IL15: variants seen among roughly 807,000 people sequenced by gnomAD.
IL15 encodes the protein interleukin 15.
Under a neutral mutation model 19.6 loss-of-function variants are expected in IL15, and 11 were observed. The ratio of observed to expected loss-of-function variants is 0.56; its 90% confidence interval spans 0.35 to 0.93. IL15 has a LOEUF of 0.93. Among genes scored for constraint, IL15 ranks in the 40% least tolerant of loss-of-function variants. IL15 has a pLI of 0.01. For synonymous variants in IL15, 58 were observed against 59.6 expected, an observed-to-expected ratio of 0.97 and a Z score of 0.12; for missense variants, 197 against 186.5, an observed-to-expected ratio of 1.06 and a Z score of -0.33.
intron 1 of IL15, among the ~76,000 whole-genome samples, chr4:141,640,281 C>T (rs1726998546): frequency 6.6e-6 from 1 of 151,526 alleles, no homozygotes; most frequent in South Asian, 2.1e-4. Flanking sequence ...TTTGAATAAC[C>T]ATTGCATTTT....
At chr4:141,660,332 C>T (rs368752661) in intron 2 of IL15, among the ~76,000 whole-genome samples, 1 of 152,164 alleles carries the variant, frequency 6.6e-6, no homozygotes, top group Admixed American at 6.5e-5. Context: ...TGCATGCTTT[C>T]ACTCAAGGCC....
chr4:141,648,895 T>G (rs945592639), intron 1 of IL15, among the ~76,000 whole-genome samples: 2 of 152,102 alleles, frequency 1.3e-5, no homozygotes, highest in African/African-American at 4.8e-5. Flanking sequence ...TTCTAAACAA[T>G]AGTGGATATT....
chr4:141,648,115 C>A (rs1228863152), intron 1 of IL15, among the ~76,000 whole-genome samples: 2 of 151,906 alleles, frequency 1.3e-5, no homozygotes, highest in African/African-American at 2.4e-5. Flanking sequence ...AGGAGTTTGA[C>A]CATATTTGAC....
At chr4:141,664,119 TG>T (rs1417716194) in intron 2 of IL15, among the ~76,000 whole-genome samples, 22 of 152,144 alleles carry the variant, frequency 1.4e-4, no homozygotes, top group African/African-American at 4.8e-4. Flanking sequence ...CTACTGATGC[TG>T]TACCAGAGAT....
intron 5 of IL15, 22 bp from the exon 6 acceptor site, chr4:141,727,918 G>T (rs202042177): frequency 3.9e-6 from 4 of 1,014,020 alleles, no homozygotes; most frequent in Non-Finnish European, 6.1e-6. Flanking sequence ...TTTTAATATT[G>T]TCTAATTTTG....
chr4:141,644,918 T>C (rs532653960), intron 1 of IL15, among the ~76,000 whole-genome samples: 140 of 152,286 alleles, frequency 9.2e-4, no homozygotes, highest in African/African-American at 3.2e-3. Flanking sequence ...TTTAAATTTG[T>C]TCCCTAGGAG....
chr4:141,732,968 A>G lies in IL15; in HGVS notation c.*120A>G, dbSNP rs755816863. The G allele has an allele frequency of 3.7e-5, 53 of 1,432,482 alleles. No individual in the cohort carries two copies. Among genetic ancestry groups the G allele is most frequent in the Non-Finnish European group, 4.5e-5 (49 of 1,088,320 alleles). 88.7% of individuals were successfully genotyped at this position (1,432,482 alleles called of 1,614,324 possible). ...CAAAACAAGTTTTTCTGTCAAGAAG[A>G]TGATCAGACCTTGGATCAGATGAAC... On this transcript the variant is annotated 3_prime_UTR_variant, in exon 8 of 8. Coordinates refer to ENST00000320650, the MANE Select transcript of IL15 (RefSeq NM_000585.5).
At chr4:141,685,395 T>A (rs1329578982) in intron 2 of IL15, among the ~76,000 whole-genome samples, 1 of 152,168 alleles carries the variant, frequency 6.6e-6, no homozygotes, top group Non-Finnish European at 1.5e-5. Context: ...ACAAGAGTCA[T>A]AAAAGAGCAA....
chr4:141,720,610 T>A (rs1287076493), intron 4 of IL15, 44 bp downstream of exon 4: 1 of 985,238 alleles, frequency 1.0e-6, no homozygotes, highest in Non-Finnish European at 1.6e-6. Flanking sequence ...TTCATGGTCA[T>A]GATGATTGTC....
At chr4:141,670,890 C>A (rs1469445879) in intron 2 of IL15, among the ~76,000 whole-genome samples, 1 of 152,020 alleles carries the variant, frequency 6.6e-6, no homozygotes, top group East Asian at 1.9e-4. Context: ...AGTACTAATT[C>A]AAGTGAAAAA....
intron 2 of IL15, among the ~76,000 whole-genome samples, chr4:141,705,690 T>C (rs982780778): frequency 6.6e-6 from 1 of 152,106 alleles, no homozygotes; most frequent in Admixed American, 6.5e-5. Context: ...CCCTCTACTA[T>C]TATTGTATTG....
At chr4:141,727,397 T>C (rs1172384660) in intron 5 of IL15, among the ~76,000 whole-genome samples, 1 of 152,168 alleles carries the variant, frequency 6.6e-6, no homozygotes, top group Non-Finnish European at 1.5e-5. Context: ...ACATATGATA[T>C]GAGTCCGTTT....
In IL15 at chr4:141,693,016, C is replaced by CAAAAAAAAAAA. The variant is rs70949131; in HGVS notation, c.-99-26334_-99-26324dup. Among the ~76,000 whole-genome samples, 72 of 23,236 alleles carry CAAAAAAAAAAA rather than the reference C, an allele frequency of 3.1e-3. 16 individuals are homozygous for CAAAAAAAAAAA. The highest frequency in any genetic ancestry group is 8.1e-3 in the African/African-American group (51 of 6,312). 15.2% of individuals were successfully genotyped at this position (23,236 alleles called of 152,430 possible). Reference sequence around the variant, plus strand: ...AGGGGAACAGAGCAAGACTCCGTCTCAAAAAAAAAAAAAAAAAAAAAAAAA... The same window carrying CAAAAAAAAAAA: ...AGGGGAACAGAGCAAGACTCCGTCTCAAAAAAAAAAAAAAAAAAAAAAAAAAAAAAAAAAAA... On this transcript the variant is annotated intron_variant, in intron 2 of 7. Coordinates refer to ENST00000320650, the MANE Select transcript of IL15 (RefSeq NM_000585.5).
chr4:141,688,031 C>A (rs1158379354), intron 2 of IL15, among the ~76,000 whole-genome samples: 1 of 152,148 alleles, frequency 6.6e-6, no homozygotes, highest in Non-Finnish European at 1.5e-5. Flanking sequence ...GGGACAAGTT[C>A]TTTTTGTGCA....
intron 2 of IL15, among the ~76,000 whole-genome samples, chr4:141,676,713 C>T (rs1185612699): frequency 2.0e-5 from 3 of 151,104 alleles, no homozygotes; most frequent in Admixed American, 6.6e-5. Context: ...TTGTGCGTGA[C>T]TTCACAGGAT....
intron 2 of IL15, among the ~76,000 whole-genome samples, chr4:141,693,720 G>T (rs1237618033): frequency 6.6e-6 from 1 of 152,108 alleles, no homozygotes; most frequent in African/African-American, 2.4e-5. Context: ...ACATTTGTTG[G>T]ATAAATAAGA....
At chr4:141,662,482 A>C (rs1391698970) in intron 2 of IL15, among the ~76,000 whole-genome samples, 1 of 152,158 alleles carries the variant, frequency 6.6e-6, no homozygotes, top group East Asian at 1.9e-4. Flanking sequence ...TAATATAGCT[A>C]CCTCAGCTTA....
intron 2 of IL15, among the ~76,000 whole-genome samples, chr4:141,666,768 T>C (rs548150533): frequency 6.6e-6 from 1 of 152,280 alleles, no homozygotes; most frequent in East Asian, 1.9e-4. Context: ...GAAGAAATTG[T>C]CTGATTGTAA....
chr4:141,724,597 C>T (rs1223759412), intron 5 of IL15, among the ~76,000 whole-genome samples: 1 of 151,732 alleles, frequency 6.6e-6, no homozygotes, highest in South Asian at 2.1e-4. Context: ...AGACACAAAT[C>T]TCAGGAATGA....
Sources: gnomAD v4.1 joint callset for allele counts (sites outside exome capture counted in the v4.1 genomes callset) on GRCh38, gnomAD v4.1.1 for gene constraint, MANE v1.5 for transcripts, NCBI Gene and HGNC (gene_info 2026-07-23, HGNC 2026-07-21) for gene names.